The following KCNIP4 variants were observed in gnomAD, a reference collection of about 807,000 sequenced individuals.
KCNIP4 encodes the protein potassium voltage-gated channel interacting protein 4.
Under a neutral mutation model 34.0 loss-of-function variants are expected in KCNIP4, and 12 were observed. That is an observed-to-expected ratio of 0.35 (90% CI 0.23 to 0.57). KCNIP4 has a LOEUF of 0.57. Ranked by LOEUF, KCNIP4 falls within the 20% of genes least tolerant of loss-of-function variation. The pLI is 0.83. For synonymous variants in KCNIP4, 124 were observed against 102.2 expected, an observed-to-expected ratio of 1.21 and a Z score of -1.29; for missense variants, 238 against 311.7, an observed-to-expected ratio of 0.76 and a Z score of 1.78.
At chr4:20,981,017 A>G (rs75767203) in intron 1 of KCNIP4, among the ~76,000 whole-genome samples, 8,233 of 152,178 alleles carry the variant, frequency 0.054, 704 homozygotes, top group African/African-American at 0.18. Flanking sequence ...CCTTTACTTG[A>G]CTACTGATCA....
At chr4:21,630,142 G>A (rs1423911868) in intron 1 of KCNIP4, among the ~76,000 whole-genome samples, 1 of 151,122 alleles carries the variant, frequency 6.6e-6, no homozygotes, top group East Asian at 2.0e-4. Context: ...GGGATTACAG[G>A]TGTGAGCCAC....
chr4:21,267,538 A>G (rs1470999818), intron 1 of KCNIP4, among the ~76,000 whole-genome samples: 1 of 150,216 alleles, frequency 6.7e-6, no homozygotes. Context: ...TACCTAATTT[A>G]TTGAGAGTTT....
Position 20,938,241 on chromosome 4 carries a change from G to C in KCNIP4, c.62-55532C>G, listed in dbSNP as rs527436441. Reference sequence around the variant, plus strand: ...AGCATCAGTTCACCACTCAATTAAAGGTTGGTGCAGAATCAGGAGAAGCCA... The same window carrying C: ...AGCATCAGTTCACCACTCAATTAAACGTTGGTGCAGAATCAGGAGAAGCCA... On this transcript the variant is annotated intron_variant, in intron 1 of 8. Transcript: ENST00000382152. Among the ~76,000 whole-genome samples the C allele has an allele frequency of 6.7e-5, 10 of 150,176 alleles. No individual in the cohort carries two copies. The East Asian group carries it at 2.0e-3, about 29-fold the overall frequency.
intron 1 of KCNIP4, among the ~76,000 whole-genome samples, chr4:21,144,477 C>T (rs2109222283): frequency 6.6e-6 from 1 of 152,262 alleles, no homozygotes; most frequent in South Asian, 2.1e-4. Context: ...ATTCCTCATG[C>T]TAAACCCCTG....
At chr4:21,665,004 T>A (rs1236211783) in intron 1 of KCNIP4, among the ~76,000 whole-genome samples, 1 of 152,218 alleles carries the variant, frequency 6.6e-6, no homozygotes, top group Non-Finnish European at 1.5e-5. Context: ...CATGGATGCT[T>A]AATTTATCTG....
chr4:21,512,618 C>A (rs1734431374), intron 1 of KCNIP4, among the ~76,000 whole-genome samples: 1 of 152,222 alleles, frequency 6.6e-6, no homozygotes, highest in African/African-American at 2.4e-5. Context: ...CAGAGATATT[C>A]TCAACACATA....
chr4:21,439,048 G>T (rs896367206), intron 1 of KCNIP4, among the ~76,000 whole-genome samples: 4 of 151,910 alleles, frequency 2.6e-5, no homozygotes, highest in Non-Finnish European at 5.9e-5. Context: ...TGTAGTCCCA[G>T]GTACTCGGGA....
chr4:20,999,414 GT>G (rs5856594), intron 1 of KCNIP4, among the ~76,000 whole-genome samples: 58,408 of 95,158 alleles, frequency 0.61, 13,521 homozygotes, highest in South Asian at 0.66. Flanking sequence ...TTGTGGTGGT[GT>G]TTTTTTTTTT....
intron 1 of KCNIP4, among the ~76,000 whole-genome samples, chr4:20,886,446 G>T (rs1227709171): frequency 2.0e-5 from 3 of 152,210 alleles, no homozygotes; most frequent in Non-Finnish European, 4.4e-5. Flanking sequence ...GGTAGCTGGT[G>T]GGTGGGAAAT....
chr4:21,532,511 A>T (rs1736773087), intron 1 of KCNIP4, among the ~76,000 whole-genome samples: 1 of 152,208 alleles, frequency 6.6e-6, no homozygotes, highest in African/African-American at 2.4e-5. Flanking sequence ...CACAGTGGGA[A>T]GCACACAGGC....
At chr4:21,305,336 T>A (rs1712337031) in intron 1 of KCNIP4, among the ~76,000 whole-genome samples, 1 of 152,190 alleles carries the variant, frequency 6.6e-6, no homozygotes, top group African/African-American at 2.4e-5. Flanking sequence ...GTAAGTTACT[T>A]AACATCTCAG....
At chr4:20,832,820 A>G (rs530676787) in intron 3 of KCNIP4, among the ~76,000 whole-genome samples, 2 of 65,400 alleles carry the variant, frequency 3.1e-5, no homozygotes, top group South Asian at 1.4e-3. Context: ...AGGATCTTTG[A>G]ATGACAGAAG....
At chr4:21,563,720 A>G (rs1436633807) in intron 1 of KCNIP4, among the ~76,000 whole-genome samples, 1 of 152,116 alleles carries the variant, frequency 6.6e-6, no homozygotes, top group African/African-American at 2.4e-5. Flanking sequence ...AGAGACAGGG[A>G]AAGATAATTT....
At chr4:21,442,689 C>A (rs1185986230) in intron 1 of KCNIP4, among the ~76,000 whole-genome samples, 1 of 152,142 alleles carries the variant, frequency 6.6e-6, no homozygotes, top group East Asian at 1.9e-4. Flanking sequence ...TTGTACTTTT[C>A]TCCGCCTCTC....
intron 1 of KCNIP4, among the ~76,000 whole-genome samples, chr4:21,220,480 G>C (rs1319103860): frequency 2.6e-5 from 4 of 152,068 alleles, no homozygotes; most frequent in Admixed American, 6.6e-5. Context: ...AATGGGTGCA[G>C]CACACCAACA....
intron 1 of KCNIP4, among the ~76,000 whole-genome samples, chr4:21,096,286 G>GA (rs1043768429): frequency 6.6e-6 from 1 of 151,914 alleles, no homozygotes. Context: ...CACTTGCATA[G>GA]AAAAAAAATT....
intron 1 of KCNIP4, among the ~76,000 whole-genome samples, chr4:21,665,015 T>C (rs1577792065): frequency 6.6e-6 from 1 of 152,320 alleles, no homozygotes; most frequent in East Asian, 1.9e-4. Flanking sequence ...AATTTATCTG[T>C]CACATGATCT....
rs190724530 is a variant in KCNIP4 at position 21,558,266 on chromosome 4, T to C, written c.61+390305A>G. 8.9e-3 allele frequency among the ~76,000 whole-genome samples: 1,350 copies of C among 152,090 alleles called. 31 individuals carry two copies. Among genetic ancestry groups the C allele is most frequent in the Admixed American group, 0.061 (932 of 15,272 alleles). On this transcript the variant is annotated intron_variant, in intron 1 of 8. Coordinates refer to ENST00000382152, the MANE Select transcript of KCNIP4 (RefSeq NM_025221.6). ...CAGCACTTTGGGAGGCCAAGGTAGG[T>C]GGATCACTTGAGGCCAGGAGTTCGA... is the stretch of plus-strand genomic sequence containing the variant.
At chr4:20,865,557 C>T (rs1207574469) in intron 2 of KCNIP4, among the ~76,000 whole-genome samples, 1 of 151,910 alleles carries the variant, frequency 6.6e-6, no homozygotes, top group Admixed American at 6.6e-5. Flanking sequence ...CTATTTGTCA[C>T]AACATGAATG....
Sources: allele counts gnomAD v4.1 joint callset (sites outside exome capture counted in the v4.1 genomes callset), GRCh38; gene constraint gnomAD v4.1.1; transcripts MANE v1.5; gene names NCBI Gene and HGNC (gene_info 2026-07-23, HGNC 2026-07-21).